Variants in PUM1 observed in about 807,000 individuals in gnomAD.
PUM1 encodes pumilio homolog 1.
Under a neutral mutation model 131.8 loss-of-function variants are expected in PUM1, and 13 were observed. That is an observed-to-expected ratio of 0.10 (90% CI 0.06 to 0.16). The LOEUF (loss-of-function observed/expected upper bound fraction) is 0.16, where lower values mean the gene tolerates loss of function less well. Ranked by LOEUF, PUM1 falls within the 10% of genes least tolerant of loss-of-function variation. The pLI, the probability that PUM1 is intolerant of heterozygous loss-of-function variation, is 1.00. For missense variants in PUM1, 961 were observed against 1,512.4 expected (o/e 0.64, Z 6.05); for synonymous variants, 509 against 556.5 (o/e 0.91, Z 1.20).
chr1:31,034,950 T>C (rs1643556516), intron 2 of PUM1, among the ~76,000 whole-genome samples: 1 of 151,900 alleles, frequency 6.6e-6, no homozygotes, highest in Non-Finnish European at 1.5e-5. Context: ...ACTTGAGCAA[T>C]GAGAAAAGGA....
intron 2 of PUM1, among the ~76,000 whole-genome samples, chr1:31,038,984 A>ATATATTTTTT: frequency 1.6e-4 from 8 of 49,414 alleles, no homozygotes; most frequent in African/African-American, 4.1e-4. Flanking sequence ...ATATATATAT[A>ATATATTTTTT]TTTTTTTTTT....
chr1:30,950,907 A>G (rs912199171), intron 16 of PUM1, among the ~76,000 whole-genome samples: 7 of 152,214 alleles, frequency 4.6e-5, no homozygotes, highest in Non-Finnish European at 8.8e-5. Flanking sequence ...ACATGGACAC[A>G]CTGTTTTGAA....
intron 3 of PUM1, among the ~76,000 whole-genome samples, chr1:31,027,063 A>G (rs199699146): frequency 2.0e-5 from 3 of 152,178 alleles, no homozygotes; most frequent in East Asian, 3.8e-4. Context: ...TTGCTATTCA[A>G]TTAAAATTAA....
At chr1:31,009,782 A>AAAAAAAAAAAAAAAAC (rs375044466) in intron 3 of PUM1, among the ~76,000 whole-genome samples, 5 of 125,352 alleles carry the variant, frequency 4.0e-5, no homozygotes, top group East Asian at 2.3e-4. Context: ...AAAAAAAAAA[A>AAAAAAAAAAAAAAAAC]AAAAACAAAA....
intron 3 of PUM1, among the ~76,000 whole-genome samples, chr1:31,023,851 C>T (rs1181972391): frequency 6.6e-6 from 1 of 151,406 alleles, no homozygotes; most frequent in African/African-American, 2.4e-5. Flanking sequence ...ATCGCTTGAA[C>T]CCGGGAGGCG....
intron 2 of PUM1, among the ~76,000 whole-genome samples, chr1:31,054,549 A>G (rs899644182): frequency 2.1e-4 from 32 of 151,522 alleles, no homozygotes; most frequent in Admixed American, 2.1e-3. Flanking sequence ...AAAAAAAAAA[A>G]AAAAAAAAAG....
chr1:31,048,850 C>T (rs953983749), intron 2 of PUM1, among the ~76,000 whole-genome samples: 4 of 152,090 alleles, frequency 2.6e-5, no homozygotes, highest in Non-Finnish European at 5.9e-5. Flanking sequence ...CTATCATGAC[C>T]TTTTATTCCC....
In PUM1 at chr1:30,967,228, T is replaced by G; in HGVS notation, c.1728A>C (p.Gly576=). The stretch of plus-strand genomic sequence containing the variant: ...CAGGAGCTACAAGTCGAACAGGAGC[T>G]CCAAGACCATTTCTCGCGCCTGCAT... The part of the protein sequence containing the change: ...VVNAGARNGL[G]APVRLVAPAP... The change falls in exon 12 of 22, where the codon GGA becomes GGC. Residue 576 remains glycine, a synonymous_variant. Coordinates refer to ENST00000426105, the MANE Select transcript of PUM1 (RefSeq NM_001020658.2). 1 of 1,614,046 alleles carries G rather than the reference T, an allele frequency of 6.2e-7. No homozygotes were observed. Among genetic ancestry groups the G allele is most frequent in the Non-Finnish European group, 8.5e-7 (1 of 1,180,002 alleles).
At chr1:31,050,893 TG>T in intron 2 of PUM1, 1 of 255,086 alleles carries the variant, frequency 3.9e-6, no homozygotes, top group African/African-American at 2.2e-5. Context: ...GCAGCTCTAC[TG>T]GAGCCACTCG....
At chr1:31,031,543 T>C (rs755588581) in intron 2 of PUM1, among the ~76,000 whole-genome samples, 1 of 152,232 alleles carries the variant, frequency 6.6e-6, no homozygotes, top group Non-Finnish European at 1.5e-5. Flanking sequence ...AGCACTTACA[T>C]GGCACTGCCA....
intron 2 of PUM1, among the ~76,000 whole-genome samples, chr1:31,035,402 A>G (rs1643574709): frequency 6.6e-6 from 1 of 151,982 alleles, no homozygotes; most frequent in African/African-American, 2.4e-5. Flanking sequence ...AAAGAAAAAA[A>G]AAAAAGTCAT....
chr1:30,950,923 A>G (rs754111292), intron 16 of PUM1, among the ~76,000 whole-genome samples: 2 of 152,238 alleles, frequency 1.3e-5, no homozygotes, highest in Non-Finnish European at 2.9e-5. Context: ...TTGAAATAGT[A>G]TTCTACATCA....
intron 14 of PUM1, among the ~76,000 whole-genome samples, chr1:30,963,175 T>C (rs151156864): frequency 2.6e-5 from 4 of 152,306 alleles, no homozygotes; most frequent in African/African-American, 4.8e-5. Context: ...CCCAAAACCA[T>C]TAACACCAGC....
Position 30,981,384 on chromosome 1 carries a change from G to A in PUM1, c.1180C>T (p.Leu394Phe). 6.2e-7 allele frequency: 1 copy of A among 1,603,720 alleles called. No individual in the cohort carries two copies. The change falls in exon 8 of 22, where the codon CTT becomes TTT. Residue 394 changes from leucine to phenylalanine, a missense_variant. Leu to Phe is a conservative substitution (Grantham distance 22, BLOSUM62 0). Transcript: ENST00000426105. The part of the protein sequence containing the change: ...QQQLFQRPNA[L>F]AVQQLTAAQQ... ...GCAGCTGTCAACTGCTGGACAGCAA[G>A]CGCATTAGGTCTTTGGAACAGCTGA...
intron 20 of PUM1, 58 bp downstream of exon 20, chr1:30,941,093 G>C: frequency 6.6e-7 from 1 of 1,523,994 alleles, no homozygotes; most frequent in Non-Finnish European, 9.0e-7. Context: ...GATAATTATA[G>C]TTCAATACTA....
chr1:30,950,144 A>C lies in PUM1; in HGVS notation c.2839T>G (p.Ser947Ala). 2.5e-6 allele frequency: 4 copies of C among 1,613,098 alleles called. No homozygotes were observed. Among genetic ancestry groups the C allele is most frequent in the Non-Finnish European group, 3.4e-6 (4 of 1,179,588 alleles). The change falls in exon 17 of 22, where the codon TCA becomes GCA. Residue 947 changes from serine to alanine, a missense_variant. Transcript: ENST00000426105. ...VIQKALEFIPSDQQVINEMVR... is the reference protein window; with the variant it reads ...VIQKALEFIPADQQVINEMVR... Reference sequence around the variant, plus strand: ...AAACTTACAATTACCTGCTGGTCTGAAGGAATAAACTCAAGAGCTTTCTGG... The same window carrying C: ...AAACTTACAATTACCTGCTGGTCTGCAGGAATAAACTCAAGAGCTTTCTGG...
At chr1:31,032,730 C>A (rs1643475774) in intron 2 of PUM1, among the ~76,000 whole-genome samples, 1 of 152,152 alleles carries the variant, frequency 6.6e-6, no homozygotes, top group African/African-American at 2.4e-5. Context: ...CTGCTTGAGC[C>A]TCGGAGATGG....
intron 14 of PUM1, among the ~76,000 whole-genome samples, chr1:30,961,300 C>G (rs1045904260): frequency 6.7e-6 from 1 of 149,616 alleles, no homozygotes; most frequent in African/African-American, 2.5e-5. Context: ...ACTGGAGGCC[C>G]GGAGTTCGAG....
chr1:31,038,984 ATT>A (rs35507851), intron 2 of PUM1, among the ~76,000 whole-genome samples: 3,710 of 49,440 alleles, frequency 0.075, 182 homozygotes, highest in East Asian at 0.21. Flanking sequence ...ATATATATAT[ATT>A]TTTTTTTTTT....
Sources: allele counts gnomAD v4.1 joint callset (sites outside exome capture counted in the v4.1 genomes callset), GRCh38; gene constraint gnomAD v4.1.1; transcripts MANE v1.5; gene names NCBI Gene and HGNC (gene_info 2026-07-23, HGNC 2026-07-21).